The following PTPRD variants were observed in gnomAD, a reference collection of about 807,000 sequenced individuals.
PTPRD encodes receptor-type tyrosine-protein phosphatase delta.
PTPRD carries 34 observed loss-of-function variants against 214.5 expected under a neutral mutation model. That is an observed-to-expected ratio of 0.16 (90% CI 0.12 to 0.21). The LOEUF (loss-of-function observed/expected upper bound fraction) is 0.21. Ranked by LOEUF, PTPRD falls within the 10% of genes least tolerant of loss-of-function variation. The pLI is 1.00. For synonymous variants in PTPRD, 1,128 were observed against 845.7 expected (o/e 1.33, Z -5.79); for missense variants, 2,545 against 2,398.7 (o/e 1.06, Z -1.27).
intron 5 of PTPRD, among the ~76,000 whole-genome samples, chr9:9,824,352 A>G (rs1040715058): frequency 1.3e-5 from 2 of 152,006 alleles, no homozygotes; most frequent in Non-Finnish European, 2.9e-5. Context: ...TAATTTCTGA[A>G]TAGAATTTGA....
intron 2 of PTPRD, among the ~76,000 whole-genome samples, chr9:10,433,485 T>C (rs1010649909): frequency 3.9e-5 from 6 of 151,946 alleles, no homozygotes; most frequent in African/African-American, 1.4e-4. Context: ...CTCTGCTCTT[T>C]GCATTTCAGT....
rs555347404 is a variant in PTPRD, at chr9:10,246,566, C to T, written c.-545+94397G>A. 9.2e-5 allele frequency among the ~76,000 whole-genome samples: 14 copies of T among 152,216 alleles called. No individual in the cohort carries two copies. The South Asian group carries it at 2.9e-3, about 32-fold the overall frequency. The stretch of plus-strand genomic sequence containing the variant: ...CCAAGATACATGTTTTAAAATAGTT[C>T]TAATTCCTGCAGAGTTCAAATAAAC... On this transcript the variant is annotated intron_variant, in intron 3 of 45. Coordinates refer to ENST00000381196, the MANE Select transcript of PTPRD (RefSeq NM_002839.4).
chr9:10,517,044 G>C (rs1365589220), intron 2 of PTPRD, among the ~76,000 whole-genome samples: 1 of 151,824 alleles, frequency 6.6e-6, no homozygotes, highest in Non-Finnish European at 1.5e-5. Context: ...TTATTTTGTG[G>C]ATTCAGGGTC....
At chr9:8,339,489 C>G (rs573424393) in intron 42 of PTPRD, among the ~76,000 whole-genome samples, 3 of 152,066 alleles carry the variant, frequency 2.0e-5, no homozygotes, top group East Asian at 1.9e-4. Flanking sequence ...AAGAAACCTC[C>G]GAATTGATTT....
At chr9:9,538,947 A>T (rs2077041197) in intron 8 of PTPRD, among the ~76,000 whole-genome samples, 1 of 151,836 alleles carries the variant, frequency 6.6e-6, no homozygotes, top group South Asian at 2.1e-4. Flanking sequence ...AGTACTTCCT[A>T]GTGCCAGACA....
At chr9:8,521,035 A>G (rs1417539000) in intron 20 of PTPRD, among the ~76,000 whole-genome samples, 1 of 152,086 alleles carries the variant, frequency 6.6e-6, no homozygotes, top group Admixed American at 6.6e-5. Flanking sequence ...CTGGGCCTCC[A>G]TGGACTGTCT....
At chr9:9,899,803 T>G (rs977487129) in intron 5 of PTPRD, among the ~76,000 whole-genome samples, 7 of 152,072 alleles carry the variant, frequency 4.6e-5, no homozygotes, top group African/African-American at 1.7e-4. Flanking sequence ...TCAACTTAAG[T>G]GTCCATCAAG....
rs115365585 is a variant in PTPRD, at chr9:9,831,716, C to T, written c.-367-64865G>A. Among the ~76,000 whole-genome samples the T allele has an allele frequency of 7.0e-3, 1,067 of 152,050 alleles. 17 individuals are homozygous for T. In the South Asian group the frequency reaches 0.078, roughly 11 times the overall value. On this transcript the variant is annotated intron_variant, in intron 5 of 45. Coordinates refer to ENST00000381196, the MANE Select transcript of PTPRD (RefSeq NM_002839.4). The stretch of plus-strand genomic sequence containing the variant: ...AAGCATTTTATCTATAGACAAACTG[C>T]GTAATTTCCCTAATTTATATCATCA...
intron 22 of PTPRD, among the ~76,000 whole-genome samples, chr9:8,506,033 G>C (rs1224263675): frequency 6.6e-6 from 1 of 152,108 alleles, no homozygotes; most frequent in Non-Finnish European, 1.5e-5. Context: ...GGCTTTGTTA[G>C]CTAAATCTAA....
intron 12 of PTPRD, among the ~76,000 whole-genome samples, chr9:8,651,785 T>G (rs2154345198): frequency 6.6e-6 from 1 of 151,910 alleles, no homozygotes; most frequent in Non-Finnish European, 1.5e-5. Flanking sequence ...TTTTTCCAAA[T>G]GGCATTAAAT....
intron 2 of PTPRD, among the ~76,000 whole-genome samples, chr9:10,592,640 C>T (rs1350492471): frequency 6.6e-6 from 1 of 151,886 alleles, no homozygotes; most frequent in Non-Finnish European, 1.5e-5. Context: ...TTGTAAGATG[C>T]ACCAATCAGC....
intron 8 of PTPRD, among the ~76,000 whole-genome samples, chr9:9,445,722 T>G (rs1354264892): frequency 2.0e-5 from 3 of 152,090 alleles, no homozygotes; most frequent in African/African-American, 4.8e-5. Flanking sequence ...CCTCCCATGA[T>G]TCCCTCTCCT....
chr9:8,486,016 G>A lies in PTPRD; in HGVS notation c.2801C>T (p.Ser934Phe), dbSNP rs1472066032. The change falls in exon 28 of 46, where the codon TCC becomes TTC. Residue 934 changes from serine (S) to phenylalanine (F), a missense_variant. Transcript: ENST00000381196. The stretch of plus-strand genomic sequence containing the variant: ...AGGTGGTTGCCAAGATAACTGGACG[G>A]AGGTTGAAGTGGTGCCTTCTGAGTG... ...NLHSEGTTST[S>F]VQLSWQPPVL... The A allele has an allele frequency of 6.2e-7, 1 of 1,614,156 alleles. No homozygotes were observed. Among genetic ancestry groups the A allele is most frequent in the Non-Finnish European group, 8.5e-7 (1 of 1,180,024 alleles).
rs559498566 is a variant in PTPRD at position 9,632,484 on chromosome 9, T to C, written c.-286-57703A>G. 1.3e-5 allele frequency among the ~76,000 whole-genome samples: 2 copies of C among 152,262 alleles called. 1 individual carries two copies. The highest frequency in any genetic ancestry group is 4.1e-4 in the South Asian group (2 of 4,826). On this transcript the variant is annotated intron_variant, in intron 7 of 45. Coordinates refer to ENST00000381196, the MANE Select transcript of PTPRD (RefSeq NM_002839.4). ...TTAAAAATGTTTCCAAGTTAGGTAG[T>C]GGTGATGATTGTACAATCTTGTAAA... is the stretch of plus-strand genomic sequence containing the variant.
rs111870547 is a variant in PTPRD, at chr9:9,827,699, C to G, written c.-367-60848G>C. 4.1e-3 allele frequency among the ~76,000 whole-genome samples: 626 copies of G among 152,192 alleles called. 3 individuals are homozygous for G. The highest frequency in any genetic ancestry group is 0.014 in the African/African-American group (566 of 41,540). ...AAGAGCTTCTGCACAGCAAAAGAAA[C>G]TATCATCAGAATGAACAGAAAACCT... On this transcript the variant is annotated intron_variant, in intron 5 of 45. Transcript: ENST00000381196.
intron 2 of PTPRD, among the ~76,000 whole-genome samples, chr9:10,548,368 A>C (rs2060594482): frequency 6.6e-6 from 1 of 152,130 alleles, no homozygotes; most frequent in South Asian, 2.1e-4. Flanking sequence ...CCAGCTATTA[A>C]ATGAAGAAAT....
In PTPRD at chr9:8,637,911, G is replaced by T. The variant is rs561118993; in HGVS notation, c.65-1067C>A. ...AGCATACTACAGAGTTATATGTGGG[G>T]ATAGCAGATAATGAAAAATGCACAC... On this transcript the variant is annotated intron_variant, in intron 12 of 45. Coordinates refer to ENST00000381196, the MANE Select transcript of PTPRD (RefSeq NM_002839.4). 2.6e-3 allele frequency among the ~76,000 whole-genome samples: 394 copies of T among 152,226 alleles called. 2 individuals carry two copies. The highest frequency in any genetic ancestry group is 2.8e-3 in the Non-Finnish European group (189 of 68,018).
At chr9:9,195,239 A>AC (rs2099937816) in intron 9 of PTPRD, among the ~76,000 whole-genome samples, 1 of 151,994 alleles carries the variant, frequency 6.6e-6, no homozygotes, top group Non-Finnish European at 1.5e-5. Context: ...AAGGTAACTT[A>AC]TGTGGAATCT....
intron 9 of PTPRD, among the ~76,000 whole-genome samples, chr9:9,193,517 T>C (rs909227963): frequency 5.3e-5 from 8 of 152,196 alleles, no homozygotes; most frequent in African/African-American, 1.9e-4. Flanking sequence ...ACTTAGGTGG[T>C]ATAGCCTACT....
Sources: gnomAD v4.1 joint callset for allele counts (sites outside exome capture counted in the v4.1 genomes callset) on GRCh38, gnomAD v4.1.1 for gene constraint, MANE v1.5 for transcripts, NCBI Gene and HGNC (gene_info 2026-07-23, HGNC 2026-07-21) for gene names.